Variants in MKX observed in about 807,000 individuals in gnomAD.
MKX encodes the protein mohawk homeobox.
MKX carries 13 observed loss-of-function variants against 36.0 expected under a neutral mutation model. The observed-to-expected ratio is 0.36, with a 90% CI of 0.24 to 0.57. The LOEUF is 0.57. Among genes scored for constraint, MKX ranks in the 20% least tolerant of loss-of-function variants. The pLI is 0.79. For synonymous variants in MKX, 176 were observed against 178.3 expected (o/e 0.99, Z 0.10); for missense variants, 458 against 456.4 (o/e 1.00, Z -0.03).
rs1834888142 is a variant in MKX at position 27,741,309 on chromosome 10, G to A, written c.348+36C>T. 2 of 1,606,796 alleles carry A rather than the reference G, an allele frequency of 1.2e-6. No individual in the cohort carries two copies. The highest frequency in any genetic ancestry group is 8.5e-7 in the Non-Finnish European group (1 of 1,177,566). ...CGTTCCCGCTCTTCAGCCCCTCGCG[G>A]GAAAACGGATCAGGGTGTTAATGGG... On this transcript the variant is annotated intron_variant, in intron 3 of 6. Coordinates refer to ENST00000419761, the MANE Select transcript of MKX (RefSeq NM_173576.3). This position sits in a 1 kb window ranked among gnomAD's most constrained non-coding sequence, Gnocchi z 5.1.
In MKX at chr10:27,675,219, C is replaced by T; in HGVS notation, c.*10G>A. The T allele has an allele frequency of 1.9e-6, 3 of 1,610,576 alleles. No individual in the cohort carries two copies. Among genetic ancestry groups the T allele is most frequent in the South Asian group, 2.2e-5 (2 of 90,458 alleles). The stretch of plus-strand genomic sequence containing the variant: ...AAGAACATCCATTGGATCTGAAAAG[C>T]AACAAGCTCTTAAAACTGCTGCACC... On this transcript the variant is annotated 3_prime_UTR_variant, in exon 7 of 7. Coordinates refer to ENST00000419761, the MANE Select transcript of MKX (RefSeq NM_173576.3).
rs72629772 is a variant in MKX, at chr10:27,697,373, G to A, written c.839-21819C>T. On this transcript the variant is annotated intron_variant, in intron 5 of 6. Transcript: ENST00000419761. Reference sequence around the variant, plus strand: ...CTCCCCCTTTTTGATATAATAAAGGGCCAGGACACCTTAATACAACCTGTG... The same window carrying A: ...CTCCCCCTTTTTGATATAATAAAGGACCAGGACACCTTAATACAACCTGTG... Among the ~76,000 whole-genome samples, 2,354 of 152,210 alleles carry A rather than the reference G, an allele frequency of 0.015. 159 individuals carry two copies. The East Asian group carries it at 0.2, about 13-fold the overall frequency.
chr10:27,701,615 T>C (rs1836657007), intron 5 of MKX, among the ~76,000 whole-genome samples: 1 of 145,254 alleles, frequency 6.9e-6, no homozygotes, highest in Non-Finnish European at 1.5e-5. Flanking sequence ...TAAAAATAAT[T>C]AATATTAAAA....
intron 5 of MKX, among the ~76,000 whole-genome samples, chr10:27,711,571 T>G (rs1297197161): frequency 6.7e-6 from 1 of 149,740 alleles, no homozygotes; most frequent in Non-Finnish European, 1.5e-5. Context: ...CTCTTTTCTT[T>G]CTTTCTTTTT....
At chr10:27,697,441 C>G (rs550267783) in intron 5 of MKX, among the ~76,000 whole-genome samples, 1 of 152,094 alleles carries the variant, frequency 6.6e-6, no homozygotes, top group Non-Finnish European at 1.5e-5. Flanking sequence ...AAGTCATAAA[C>G]CTGCAATTTA....
At chr10:27,677,440 T>C (rs1342579323) in intron 5 of MKX, among the ~76,000 whole-genome samples, 1 of 152,150 alleles carries the variant, frequency 6.6e-6, no homozygotes, top group Non-Finnish European at 1.5e-5. Context: ...CTGAGAAGAA[T>C]AACGTCAACA....
At position 27,709,339 on chromosome 10, in the gene MKX, C is replaced by T. The variant is rs76840253; in HGVS notation, c.838+25117G>A. On this transcript the variant is annotated intron_variant, in intron 5 of 6. Coordinates refer to ENST00000419761, the MANE Select transcript of MKX (RefSeq NM_173576.3). Reference sequence around the variant, plus strand: ...ATGATTTAAAGGATACAGGGGGATGCGTGCAGGTCACATGCAAATACTATG... The same window carrying T: ...ATGATTTAAAGGATACAGGGGGATGTGTGCAGGTCACATGCAAATACTATG... Among the ~76,000 whole-genome samples the T allele has an allele frequency of 3.7e-4, 56 of 152,138 alleles. 1 individual carries two copies. In the South Asian group the frequency reaches 7.3e-3, roughly 20 times the overall value.
intron 5 of MKX, among the ~76,000 whole-genome samples, chr10:27,723,832 G>C (rs532026776): frequency 2.2e-4 from 33 of 152,226 alleles, no homozygotes; most frequent in African/African-American, 7.9e-4. Context: ...GCAGAACAGG[G>C]CATTCTTACT....
At chr10:27,728,493 C>T (rs1215441116) in intron 5 of MKX, among the ~76,000 whole-genome samples, 2 of 152,224 alleles carry the variant, frequency 1.3e-5, no homozygotes, top group African/African-American at 2.4e-5. Context: ...CAGCACCAAA[C>T]ACAGGGCTCC....
chr10:27,716,980 G>T, intron 5 of MKX, among the ~76,000 whole-genome samples: 1 of 152,118 alleles, frequency 6.6e-6, no homozygotes, highest in Non-Finnish European at 1.5e-5. Flanking sequence ...TTTTCCTGGG[G>T]GAAGGCAGGG....
chr10:27,687,196 G>A (rs1347960544), intron 5 of MKX, among the ~76,000 whole-genome samples: 5 of 151,926 alleles, frequency 3.3e-5, no homozygotes, highest in Admixed American at 6.6e-5. Context: ...TAGTAGAGAC[G>A]GGTTTCACTA....
Position 27,714,607 on chromosome 10 carries a change from A to G in MKX, c.838+19849T>C, listed in dbSNP as rs555618471. Among the ~76,000 whole-genome samples, 4 of 152,330 alleles carry G rather than the reference A, an allele frequency of 2.6e-5. No individual in the cohort carries two copies. In the East Asian group the frequency reaches 7.7e-4, roughly 29 times the overall value. The stretch of plus-strand genomic sequence containing the variant: ...CAGTTATATTTTACAACCAGGATGC[A>G]ATATTTTAATAGCCGTTACTGCCGA... On this transcript the variant is annotated intron_variant, in intron 5 of 6. Transcript: ENST00000419761.
At chr10:27,710,229 T>G (rs1264058241) in intron 5 of MKX, among the ~76,000 whole-genome samples, 1 of 152,192 alleles carries the variant, frequency 6.6e-6, no homozygotes, top group African/African-American at 2.4e-5. Flanking sequence ...TAGTTTCCTA[T>G]AGCATTCCTG....
chr10:27,723,256 A>T (rs1834419145), intron 5 of MKX, among the ~76,000 whole-genome samples: 1 of 152,214 alleles, frequency 6.6e-6, no homozygotes, highest in African/African-American at 2.4e-5. Context: ...TGCTGCATAA[A>T]TATGAATTAG....
rs773326419 is a variant in MKX at position 27,743,444 on chromosome 10, G to A, written c.-29C>T. 2 of 1,513,120 alleles carry A rather than the reference G, an allele frequency of 1.3e-6. No individual in the cohort carries two copies. The highest frequency in any genetic ancestry group is 1.3e-5 in the South Asian group (1 of 77,484). The allele number at this position is 1,513,120 out of a possible 1,614,324, so 93.7% of individuals were successfully genotyped here. Reference sequence around the variant, plus strand: ...GTCGGTTGGTAGGGACGCGCGGCGCGGCCGCAGAGCCTCGGGGCTGGGCCG... The same window carrying A: ...GTCGGTTGGTAGGGACGCGCGGCGCAGCCGCAGAGCCTCGGGGCTGGGCCG... On this transcript the variant is annotated 5_prime_UTR_variant, in exon 2 of 7. Coordinates refer to ENST00000419761, the MANE Select transcript of MKX (RefSeq NM_173576.3).
intron 5 of MKX, among the ~76,000 whole-genome samples, chr10:27,693,088 A>G (rs1292028091): frequency 6.6e-6 from 1 of 152,208 alleles, no homozygotes; most frequent in Non-Finnish European, 1.5e-5. Context: ...TTCTGGAACC[A>G]TAGGGCTGAA....
chr10:27,718,668 T>G, intron 5 of MKX: 1 of 328,560 alleles, frequency 3.0e-6, no homozygotes. Context: ...AGTATCCACT[T>G]GGACTCCAGT....
chr10:27,738,113 T>C (rs1482413100), intron 3 of MKX, among the ~76,000 whole-genome samples: 1 of 152,062 alleles, frequency 6.6e-6, no homozygotes, highest in Non-Finnish European at 1.5e-5. Flanking sequence ...TTTGCTGATG[T>C]CTATTATAGA....
chr10:27,690,141 G>A (rs2132507977), intron 5 of MKX, among the ~76,000 whole-genome samples: 1 of 152,308 alleles, frequency 6.6e-6, no homozygotes, highest in South Asian at 2.1e-4. Context: ...GGGAGGCCGA[G>A]GCCAGCAGAT....
Sources: allele counts gnomAD v4.1 joint callset (sites outside exome capture counted in the v4.1 genomes callset), GRCh38; gene constraint gnomAD v4.1.1; non-coding constraint Gnocchi (gnomAD v3.1); transcripts MANE v1.5; gene names NCBI Gene and HGNC (gene_info 2026-07-23, HGNC 2026-07-21).